The following VWA8 variants were observed in gnomAD, a reference collection of about 807,000 sequenced individuals.
VWA8 encodes the protein von Willebrand factor A domain-containing protein 8.
VWA8 carries 221 observed loss-of-function variants against 241.5 expected under a neutral mutation model. The ratio of observed to expected loss-of-function variants is 0.91; its 90% CI spans 0.82 to 1.02. The LOEUF (loss-of-function observed/expected upper bound fraction) is 1.02, where lower values mean the gene tolerates loss of function less well. VWA8 is among the 50% of genes least tolerant of loss of function. The pLI, the probability that VWA8 is intolerant of heterozygous loss-of-function variation, is 0.00. For missense variants in VWA8, 2,322 were observed against 2,328.7 expected (o/e 1.00, Z 0.06); for synonymous variants, 852 against 827.1 (o/e 1.03, Z -0.52).
chr13:41,610,942 G>T (rs1290717627), intron 39 of VWA8, among the ~76,000 whole-genome samples: 6 of 152,096 alleles, frequency 3.9e-5, no homozygotes, highest in Non-Finnish European at 8.8e-5. Context: ...CACTGATGAG[G>T]CCTCCCTATC....
intron 40 of VWA8, among the ~76,000 whole-genome samples, chr13:41,604,721 CA>C (rs766054437): frequency 1.4e-4 from 21 of 152,186 alleles, no homozygotes; most frequent in Non-Finnish European, 2.9e-4. Flanking sequence ...TCTCTTTAGA[CA>C]AAAAATCTGA....
intron 8 of VWA8, among the ~76,000 whole-genome samples, chr13:41,885,077 T>C: frequency 6.6e-6 from 1 of 152,134 alleles, no homozygotes; most frequent in East Asian, 1.9e-4. Context: ...CCAACATAAG[T>C]CTGGTCACAT....
chr13:41,567,985 A>C lies in VWA8; in HGVS notation c.*212T>G, dbSNP rs190997159. 6.5e-4 allele frequency: 349 copies of C among 534,960 alleles called. 3 individuals are homozygous for C. The East Asian group carries it at 0.011, about 16-fold the overall frequency. The allele number at this position is 534,960 out of a possible 1,614,324, so 33.1% of individuals were successfully genotyped here. Reference sequence around the variant, plus strand: ...ACTAGCTTGCCCTAATCACTTCTAAACTCATCAGTGGAGTATCTTTCCATG... The same window carrying C: ...ACTAGCTTGCCCTAATCACTTCTAACCTCATCAGTGGAGTATCTTTCCATG... On this transcript the variant is annotated 3_prime_UTR_variant, in exon 45 of 45. Coordinates refer to ENST00000379310, the MANE Select transcript of VWA8 (RefSeq NM_015058.2).
chr13:41,880,125 C>T lies in VWA8; in HGVS notation c.1080+3262G>A, dbSNP rs544529603. On this transcript the variant is annotated intron_variant, in intron 9 of 44. Coordinates refer to ENST00000379310, the MANE Select transcript of VWA8 (RefSeq NM_015058.2). The stretch of plus-strand genomic sequence containing the variant: ...TATTTTAAAAGAAAACCATGCCCCA[C>T]GTATTATAAACCACTTATGACAAAA... Among the ~76,000 whole-genome samples the T allele has an allele frequency of 1.1e-3, 168 of 152,190 alleles. 2 individuals are homozygous for T. Among genetic ancestry groups the T allele is most frequent in the African/African-American group, 3.9e-3 (162 of 41,530 alleles).
At chr13:41,825,863 T>C (rs1593797057) in intron 14 of VWA8, among the ~76,000 whole-genome samples, 1 of 152,190 alleles carries the variant, frequency 6.6e-6, no homozygotes, top group Non-Finnish European at 1.5e-5. Flanking sequence ...ATGACCAGCA[T>C]ATAGGATCAA....
chr13:41,895,831 C>CT (rs59080554), intron 4 of VWA8, among the ~76,000 whole-genome samples: 58,886 of 130,254 alleles, frequency 0.45, 13,371 homozygotes, highest in Non-Finnish European at 0.53. Context: ...TGCAAATTTT[C>CT]TTTTTTTTTT....
At chr13:41,656,278 T>C (rs1051687612) in intron 37 of VWA8, among the ~76,000 whole-genome samples, 6 of 152,216 alleles carry the variant, frequency 3.9e-5, no homozygotes, top group Admixed American at 3.3e-4. Flanking sequence ...AGTTTCAGAT[T>C]TTCCTACGAG....
chr13:41,821,158 C>G (rs981838201), intron 14 of VWA8, among the ~76,000 whole-genome samples: 6 of 152,120 alleles, frequency 3.9e-5, no homozygotes, highest in Non-Finnish European at 7.4e-5. Context: ...AAAATGAGAG[C>G]ATGCTAAATG....
intron 26 of VWA8, among the ~76,000 whole-genome samples, chr13:41,717,784 C>T (rs1021833988): frequency 2.6e-5 from 4 of 152,054 alleles, no homozygotes; most frequent in Non-Finnish European, 5.9e-5. Flanking sequence ...ACTCTGATCT[C>T]CTTCTAAAAG....
At chr13:41,762,896 G>C (rs1021879286) in intron 20 of VWA8, among the ~76,000 whole-genome samples, 3 of 152,068 alleles carry the variant, frequency 2.0e-5, no homozygotes, top group Admixed American at 6.6e-5. Context: ...CGTTTGGAAA[G>C]TACTGGAAAA....
chr13:41,732,283 CAA>C, intron 21 of VWA8, 128 bp from the exon 22 acceptor site: 2 of 568,818 alleles, frequency 3.5e-6, no homozygotes, highest in Admixed American at 3.4e-5. Context: ...CTTCCCCCAC[CAA>C]AAAAAAACAG....
chr13:41,877,106 A>G (rs1489583564), intron 9 of VWA8, among the ~76,000 whole-genome samples: 2 of 152,110 alleles, frequency 1.3e-5, no homozygotes, highest in Admixed American at 6.5e-5. Context: ...CCTCAAATTC[A>G]AAAGGGTTCT....
chr13:41,705,040 A>G (rs540595335), intron 26 of VWA8, among the ~76,000 whole-genome samples: 1 of 152,324 alleles, frequency 6.6e-6, no homozygotes, highest in South Asian at 2.1e-4. Context: ...TTTTTGCATA[A>G]AATAATGGAA....
chr13:41,749,544 A>T (rs964061371), intron 21 of VWA8, among the ~76,000 whole-genome samples: 2 of 151,236 alleles, frequency 1.3e-5, no homozygotes, highest in African/African-American at 4.9e-5. Context: ...TGTTATAAAG[A>T]CACATGCACA....
chr13:41,738,300 G>A (rs971495506), intron 21 of VWA8, among the ~76,000 whole-genome samples: 1 of 152,074 alleles, frequency 6.6e-6, no homozygotes, highest in African/African-American at 2.4e-5. Context: ...ACTATAAAAG[G>A]AAGGAAAACA....
chr13:41,831,940 C>CT (rs551883665), intron 13 of VWA8, among the ~76,000 whole-genome samples: 1,653 of 131,372 alleles, frequency 0.013, 17 homozygotes, highest in Middle Eastern at 0.074. Context: ...TTTTTTTTTT[C>CT]TTTTTTTTTG....
At chr13:41,575,411 TA>T (rs144131318) in intron 43 of VWA8, among the ~76,000 whole-genome samples, 1 of 151,942 alleles carries the variant, frequency 6.6e-6, no homozygotes. Context: ...ACTATTGAAA[TA>T]AAAAAATTTT....
intron 24 of VWA8, among the ~76,000 whole-genome samples, chr13:41,725,209 G>C (rs1368868024): frequency 6.6e-6 from 1 of 152,120 alleles, no homozygotes; most frequent in Non-Finnish European, 1.5e-5. Context: ...AAAAAAAAAG[G>C]CTGGGTAAAG....
intron 2 of VWA8, among the ~76,000 whole-genome samples, chr13:41,936,421 T>G (rs972357182): frequency 6.6e-6 from 1 of 152,188 alleles, no homozygotes; most frequent in Non-Finnish European, 1.5e-5. Flanking sequence ...ACTTGTATAT[T>G]AAGTGAGTTA....
Sources: allele counts gnomAD v4.1 joint callset (sites outside exome capture counted in the v4.1 genomes callset), GRCh38; gene constraint gnomAD v4.1.1; transcripts MANE v1.5; gene names NCBI Gene and HGNC (gene_info 2026-07-23, HGNC 2026-07-21).